Variants in TTLL4 observed in about 807,000 individuals in gnomAD.
TTLL4 encodes tubulin tyrosine ligase like 4.
In TTLL4, 85 loss-of-function variants were observed where a neutral mutation model predicts 122.7. That is an observed-to-expected ratio of 0.69 (90% CI 0.58 to 0.83). The LOEUF (loss-of-function observed/expected upper bound fraction) is 0.83, where lower values mean the gene tolerates loss of function less well. Ranked by LOEUF, TTLL4 falls within the 40% of genes least tolerant of loss-of-function variation. The pLI, the probability that TTLL4 is intolerant of heterozygous loss-of-function variation, is 0.00. For synonymous variants in TTLL4, 553 were observed against 563.0 expected (o/e 0.98, Z 0.25); for missense variants, 1,363 against 1,488.6 (o/e 0.92, Z 1.39).
chr2:218,739,300 C>T (rs965035779), intron 3 of TTLL4, 137 bp downstream of exon 3: 1 of 1,033,868 alleles, frequency 9.7e-7, no homozygotes, highest in Non-Finnish European at 1.4e-6. Context: ...CACTTCAGGG[C>T]AAGGGTTGGG....
intron 8 of TTLL4, chr2:218,746,573 T>C (rs940683183): frequency 2.6e-6 from 1 of 381,290 alleles, no homozygotes; most frequent in East Asian, 5.0e-5. Context: ...AGTTAGATTG[T>C]CTGTTTTCTG....
intron 2 of TTLL4, among the ~76,000 whole-genome samples, 153 bp downstream of exon 2, chr2:218,727,500 G>C (rs1942228927): frequency 6.6e-6 from 1 of 152,132 alleles, no homozygotes; most frequent in Non-Finnish European, 1.5e-5. Context: ...TTGTTTGGGA[G>C]GCCAAGGGGG....
intron 2 of TTLL4, among the ~76,000 whole-genome samples, chr2:218,729,154 G>C (rs533286913): frequency 1.6e-4 from 25 of 151,982 alleles, no homozygotes; most frequent in African/African-American, 4.8e-4. Flanking sequence ...GGCTGGTCTC[G>C]AACTCCTGGC....
At position 218,754,482 on chromosome 2, in the gene TTLL4, C is replaced by T; in HGVS notation, c.*93C>T. The T allele has an allele frequency of 6.7e-7, 1 of 1,499,422 alleles. No homozygotes were observed. Among genetic ancestry groups the T allele is most frequent in the Non-Finnish European group, 9.0e-7 (1 of 1,108,718 alleles). The allele number at this position is 1,499,422 out of a possible 1,614,324, so 92.9% of individuals were successfully genotyped here. A position where few individuals can be genotyped will look rare whatever the true frequency, so the allele number is the denominator to read the frequency against. On this transcript the variant is annotated 3_prime_UTR_variant, in exon 20 of 20. Coordinates refer to ENST00000392102, the MANE Select transcript of TTLL4 (RefSeq NM_014640.5). ...TGTTCAGACCAGTCTGACCCCCTAC[C>T]CCTTTCACCCTGTCCCTCCTCAGAG...
chr2:218,745,837 G>A lies in TTLL4; in HGVS notation c.1897+36G>A. ...TGCCTTACTGTGAGCCTGTCCTTTT[G>A]CCCCAAATAGATGGGCTTTGCATAG... On this transcript the variant is annotated intron_variant, in intron 7 of 19. Coordinates refer to ENST00000392102, the MANE Select transcript of TTLL4 (RefSeq NM_014640.5). 1.9e-6 allele frequency: 3 copies of A among 1,579,266 alleles called. No homozygotes were observed. In the South Asian group the frequency reaches 3.4e-5, roughly 18 times the overall value.
At chr2:218,758,657 A>G (rs1943192218), downstream of TTLL4, among the ~76,000 whole-genome samples, 1 of 152,238 alleles carries the variant, frequency 6.6e-6, no homozygotes, top group African/African-American at 2.4e-5. Context: ...GATACCACTT[A>G]ACACTAAAGT....
At chr2:218,720,332 G>A (rs952957841) in intron 1 of TTLL4, among the ~76,000 whole-genome samples, 3 of 152,140 alleles carry the variant, frequency 2.0e-5, no homozygotes, top group African/African-American at 7.2e-5. Context: ...CTATTGAAGG[G>A]GTTGGGTACA....
intron 1 of TTLL4, among the ~76,000 whole-genome samples, chr2:218,726,084 A>G (rs549504201): frequency 6.6e-6 from 1 of 152,044 alleles, no homozygotes; most frequent in Admixed American, 6.6e-5. Flanking sequence ...TATCTTTAGC[A>G]TTACTTTTAA....
In TTLL4 at chr2:218,738,527, A is replaced by G; in HGVS notation, c.851A>G (p.His284Arg). The change falls in exon 3 of 20, where the codon CAT (histidine) becomes CGT (arginine). Residue 284 changes from histidine (H) to arginine (R), a missense_variant. His to Arg is a conservative substitution (Grantham distance 29, BLOSUM62 0). This residue lies in a region of TTLL4 where 760 missense variants were observed against 808.4 expected (regional missense o/e 0.94). Coordinates refer to ENST00000392102, the MANE Select transcript of TTLL4 (RefSeq NM_014640.5). ...ACTGTCCCAGCTGATGCCAGTGCCC[A>G]TATCGCCTTGTCTACCGCTAGCTCC... ...IGTVPADASA[H>R]IALSTASSHD... The G allele has an allele frequency of 1.2e-6, 2 of 1,614,152 alleles. No individual in the cohort carries two copies. The highest frequency in any genetic ancestry group is 1.1e-5 in the South Asian group (1 of 91,078).
In TTLL4 at chr2:218,747,384, G is replaced by A. The variant is rs1942874235; in HGVS notation, c.2249+12G>A. 6.2e-7 allele frequency: 1 copy of A among 1,613,698 alleles called. No individual in the cohort carries two copies. Among genetic ancestry groups the A allele is most frequent in the Non-Finnish European group, 8.5e-7 (1 of 1,179,860 alleles). On this transcript the variant is annotated intron_variant, in intron 10 of 19. Transcript: ENST00000392102. This position sits in a 1 kb window ranked among gnomAD's most constrained non-coding sequence, Gnocchi z 4.7. ...CTCCTGGTACAGAGGTGAGCCTGTA[G>A]CACATATCCCTTACCCCATCCTCCC...
intron 1 of TTLL4, among the ~76,000 whole-genome samples, chr2:218,715,207 T>C (rs375582066): frequency 6.6e-6 from 1 of 152,222 alleles, no homozygotes; most frequent in East Asian, 1.9e-4. Context: ...CAGTCTATTG[T>C]GATAGTTGTT....
chr2:218,749,438 C>G, intron 14 of TTLL4, 51 bp downstream of exon 14: 1 of 1,600,034 alleles, frequency 6.2e-7, no homozygotes. Flanking sequence ...ATTATTCTCA[C>G]GCTCCCATTG....
At chr2:218,721,230 A>AC (rs200828214) in intron 1 of TTLL4, among the ~76,000 whole-genome samples, 25 of 119,860 alleles carry the variant, frequency 2.1e-4, no homozygotes, top group Admixed American at 1.6e-4. Flanking sequence ...ACCTCAATTT[A>AC]CCCCCAATTA....
Position 218,738,558 on chromosome 2 carries a change from C to G in TTLL4, c.882C>G (p.Asp294Glu), listed in dbSNP as rs1457117823. Residue 294 changes from aspartate (D) to glutamate (E), a missense_variant, in exon 3 of 20, where the codon GAC (aspartate) becomes GAG (glutamate). Coordinates refer to ENST00000392102, the MANE Select transcript of TTLL4 (RefSeq NM_014640.5). ...HIALSTASSH[D>E]TSTTSVASSW... ...CCTTGTCTACCGCTAGCTCCCACGACACATCCACCACCAGTGTTGCCTCTT... is the reference window on the plus strand; with the variant it reads ...CCTTGTCTACCGCTAGCTCCCACGAGACATCCACCACCAGTGTTGCCTCTT... 3 of 1,614,046 alleles carry G rather than the reference C, an allele frequency of 1.9e-6. No individual in the cohort carries two copies. The highest frequency in any genetic ancestry group is 8.5e-7 in the Non-Finnish European group (1 of 1,180,004).
chr2:218,757,332 A>G (rs1423373441), downstream of TTLL4, among the ~76,000 whole-genome samples: 1 of 152,126 alleles, frequency 6.6e-6, no homozygotes, highest in East Asian at 1.9e-4. Context: ...AAACATCACC[A>G]TTCACCCTCC....
In TTLL4 at chr2:218,747,682, A is replaced by C; in HGVS notation, c.2335A>C (p.Ile779Leu). 2 of 1,614,168 alleles carry C rather than the reference A, an allele frequency of 1.2e-6. No individual in the cohort carries two copies. The highest frequency in any genetic ancestry group is 1.7e-6 in the Non-Finnish European group (2 of 1,180,036). Residue 779 changes from isoleucine to leucine, a missense_variant, in exon 11 of 20, where the codon ATT (isoleucine) becomes CTT (leucine). Ile to Leu is a conservative substitution (Grantham distance 5). Coordinates refer to ENST00000392102, the MANE Select transcript of TTLL4 (RefSeq NM_014640.5). This position sits in a 1 kb window ranked among gnomAD's most constrained non-coding sequence, Gnocchi z 4.7. ...VYVTSYDPLR[I>L]YLFSDGLVRF... The stretch of plus-strand genomic sequence containing the variant: ...TGTCACTTCCTACGATCCTCTGCGG[A>C]TTTACCTCTTTTCAGATGGACTGGT...
At chr2:218,718,662 A>G (rs1310903216) in intron 1 of TTLL4, among the ~76,000 whole-genome samples, 2 of 152,178 alleles carry the variant, frequency 1.3e-5, no homozygotes, top group Non-Finnish European at 2.9e-5. Flanking sequence ...TCAGGCATGA[A>G]CCACTGCGCC....
At chr2:218,721,963 A>T (rs776998753) in intron 1 of TTLL4, among the ~76,000 whole-genome samples, 17 of 135,668 alleles carry the variant, frequency 1.3e-4, no homozygotes, top group Non-Finnish European at 2.1e-4. Flanking sequence ...GTCTCTATTT[A>T]AAAAAAAAAA....
Position 218,747,568 on chromosome 2 carries a change from T to G in TTLL4, c.2250-29T>G. ...CCCACTGAGCCCCATCATCTGGCTG[T>G]ATGAGAAGCTGGCCTTTGTCCTATG... On this transcript the variant is annotated intron_variant, in intron 10 of 19. Coordinates refer to ENST00000392102, the MANE Select transcript of TTLL4 (RefSeq NM_014640.5). The surrounding 1 kb of genome is among the most constrained non-coding windows in gnomAD (Gnocchi z 4.7). The G allele has an allele frequency of 3.1e-6, 5 of 1,611,898 alleles. No homozygotes were observed. Among genetic ancestry groups the G allele is most frequent in the Non-Finnish European group, 4.2e-6 (5 of 1,178,598 alleles).
Sources: gnomAD v4.1 joint callset for allele counts (sites outside exome capture counted in the v4.1 genomes callset) on GRCh38, gnomAD v4.1.1 for gene constraint, gnomAD v4.1.1 regional missense constraint, Gnocchi (gnomAD v3.1) non-coding constraint, MANE v1.5 for transcripts, NCBI Gene and HGNC (gene_info 2026-07-23, HGNC 2026-07-21) for gene names.